Variants in OPCML observed in about 807,000 individuals in gnomAD.
OPCML encodes the protein opioid binding protein/cell adhesion molecule like.
In OPCML, 13 loss-of-function variants were observed where a neutral mutation model predicts 37.8. That is an observed-to-expected ratio of 0.34 (90% confidence interval 0.22 to 0.55). The LOEUF (loss-of-function observed/expected upper bound fraction) is 0.55. OPCML is among the 20% of genes least tolerant of loss of function. OPCML has a pLI of 0.91. For missense variants in OPCML, 341 were observed against 435.6 expected (o/e 0.78, Z 1.93); for synonymous variants, 176 against 168.8 (o/e 1.04, Z -0.33).
chr11:132,954,269 T>C (rs558757981), intron 1 of OPCML, among the ~76,000 whole-genome samples: 3 of 152,236 alleles, frequency 2.0e-5, no homozygotes, highest in East Asian at 1.9e-4. Context: ...TATAGTCTAG[T>C]AGAAGAAATA....
chr11:132,629,392 C>T (rs560327202), intron 3 of OPCML, among the ~76,000 whole-genome samples: 4 of 152,262 alleles, frequency 2.6e-5, no homozygotes, highest in African/African-American at 9.6e-5. Flanking sequence ...TTATATGCAA[C>T]AAAATTATTG....
chr11:133,447,985 G>C (rs955471683), intron 1 of OPCML, among the ~76,000 whole-genome samples: 10 of 152,100 alleles, frequency 6.6e-5, no homozygotes, highest in African/African-American at 2.4e-4. Flanking sequence ...TCAGCCTGTG[G>C]CTATCTTTTC....
At chr11:132,728,359 AG>A (rs1382799864) in intron 2 of OPCML, among the ~76,000 whole-genome samples, 1 of 152,180 alleles carries the variant, frequency 6.6e-6, no homozygotes, top group Admixed American at 6.5e-5. Flanking sequence ...GGGGAATCTG[AG>A]GCCCTGGAAT....
intron 1 of OPCML, among the ~76,000 whole-genome samples, chr11:133,306,025 A>C (rs745482096): frequency 6.6e-6 from 1 of 152,224 alleles, no homozygotes; most frequent in Non-Finnish European, 1.5e-5. Flanking sequence ...GAAAGCTGAA[A>C]AGGTGATTTA....
At position 132,841,860 on chromosome 11, in the gene OPCML, CAAAAAAA is replaced by C. The variant is rs71067402; in HGVS notation, c.146+101059_146+101065del. On this transcript the variant is annotated intron_variant, in intron 2 of 7. Transcript: ENST00000524381. ...TGGGTGACAGAATGACACTCTATCT[CAAAAAAA>C]AAAAAAAAAAAAAAAAAAAAAAAGA... Among the ~76,000 whole-genome samples the C allele has an allele frequency of 1.1e-3, 37 of 34,688 alleles. 1 individual carries two copies. The highest frequency in any genetic ancestry group is 4.8e-3 in the South Asian group (3 of 620). The allele number at this position is 34,688 out of a possible 152,430, so 22.8% of individuals were successfully genotyped here. A position where few individuals can be genotyped will look rare whatever the true frequency, so the allele number is the denominator to read the frequency against.
At chr11:132,659,208 A>G (rs1379299704) in intron 2 of OPCML, among the ~76,000 whole-genome samples, 3 of 152,214 alleles carry the variant, frequency 2.0e-5, no homozygotes, top group African/African-American at 7.2e-5. Flanking sequence ...GCATTTTTCT[A>G]TTTCCCTTAT....
At chr11:132,782,943 A>ATATATATG (rs1555188334) in intron 2 of OPCML, among the ~76,000 whole-genome samples, 7 of 140,574 alleles carry the variant, frequency 5.0e-5, no homozygotes, top group Admixed American at 1.4e-4. Context: ...ATATATATAT[A>ATATATATG]TATGTATGTA....
chr11:133,135,953 C>T (rs998790235), intron 1 of OPCML, among the ~76,000 whole-genome samples: 1 of 152,182 alleles, frequency 6.6e-6, no homozygotes, highest in Non-Finnish European at 1.5e-5. Flanking sequence ...GGCAGAACTC[C>T]ACTGTGGGAC....
intron 2 of OPCML, among the ~76,000 whole-genome samples, chr11:132,742,641 T>C (rs1031762173): frequency 1.3e-5 from 2 of 151,766 alleles, no homozygotes; most frequent in African/African-American, 4.8e-5. Flanking sequence ...ACCAAGACAC[T>C]ACTAATGCAA....
chr11:133,025,096 T>C lies in OPCML; in HGVS notation c.62-82086A>G, dbSNP rs1289916515. 3 of 810,268 alleles carry C rather than the reference T, an allele frequency of 3.7e-6. No homozygotes were observed. In the East Asian group the frequency reaches 3.8e-4, roughly 102 times the overall value. The allele number at this position is 810,268 out of a possible 1,614,324, so 50.2% of individuals were successfully genotyped here. A position where few individuals can be genotyped will look rare whatever the true frequency, so the allele number is the denominator to read the frequency against. ...TATGTATAGATAAGCCTAGAGCTAATTTTCCTTCATAGGGAGGAAAATGGG... is the reference window on the plus strand; with the variant it reads ...TATGTATAGATAAGCCTAGAGCTAACTTTCCTTCATAGGGAGGAAAATGGG... On this transcript the variant is annotated intron_variant, in intron 1 of 7. Transcript: ENST00000524381.
At chr11:132,656,885 C>T (rs1216691588) in intron 3 of OPCML, among the ~76,000 whole-genome samples, 3 of 152,186 alleles carry the variant, frequency 2.0e-5, no homozygotes, top group Non-Finnish European at 2.9e-5. Context: ...CTAGAGATAA[C>T]ATTTAGAAAC....
At chr11:133,335,549 G>A (rs917372544) in intron 1 of OPCML, among the ~76,000 whole-genome samples, 1 of 152,108 alleles carries the variant, frequency 6.6e-6, no homozygotes, top group African/African-American at 2.4e-5. Flanking sequence ...TTAAAGGAGG[G>A]AAAGCATCCT....
chr11:132,950,862 T>C (rs1205296029), intron 1 of OPCML, among the ~76,000 whole-genome samples: 2 of 152,176 alleles, frequency 1.3e-5, no homozygotes, highest in Non-Finnish European at 2.9e-5. Flanking sequence ...GTCTCTAACA[T>C]TGTTTGGAGA....
At chr11:132,656,307 T>C (rs888485531) in intron 3 of OPCML, among the ~76,000 whole-genome samples, 1 of 152,240 alleles carries the variant, frequency 6.6e-6, no homozygotes, top group African/African-American at 2.4e-5. Context: ...TTTTTAATTC[T>C]TAATATTTAA....
chr11:132,472,426 G>A (rs1181865320), intron 4 of OPCML, among the ~76,000 whole-genome samples: 3 of 152,142 alleles, frequency 2.0e-5, no homozygotes, highest in South Asian at 4.1e-4. Context: ...AAAAGCCTAC[G>A]GAAGGCTCAT....
At chr11:132,636,905 GA>G (rs1272768396) in intron 3 of OPCML, among the ~76,000 whole-genome samples, 4 of 151,862 alleles carry the variant, frequency 2.6e-5, no homozygotes, top group Non-Finnish European at 4.4e-5. Context: ...TAAAAAAAGA[GA>G]AAAAAAGAAA....
chr11:133,530,389 C>A (rs537746234), intron 1 of OPCML, among the ~76,000 whole-genome samples: 5 of 152,230 alleles, frequency 3.3e-5, no homozygotes, highest in Non-Finnish European at 5.9e-5. Context: ...AGGGGCGCAT[C>A]CATACAGCCA....
intron 2 of OPCML, among the ~76,000 whole-genome samples, chr11:132,759,718 A>G (rs117992917): frequency 0.11 from 16,781 of 147,032 alleles, 1,183 homozygotes; most frequent in African/African-American, 0.21. Flanking sequence ...CTAGCAATCT[A>G]TCTATTTTGT....
chr11:132,728,714 G>A (rs1470638808), intron 2 of OPCML, among the ~76,000 whole-genome samples: 1 of 152,008 alleles, frequency 6.6e-6, no homozygotes, highest in Non-Finnish European at 1.5e-5. Flanking sequence ...AATATAACAG[G>A]ATTTATGTGC....
Sources: allele counts gnomAD v4.1 joint callset (sites outside exome capture counted in the v4.1 genomes callset), GRCh38; gene constraint gnomAD v4.1.1; transcripts MANE v1.5; gene names NCBI Gene and HGNC (gene_info 2026-07-23, HGNC 2026-07-21).